The following PTPRT variants were observed in gnomAD, a reference collection of about 807,000 sequenced individuals.
PTPRT encodes the protein protein tyrosine phosphatase receptor type T.
In PTPRT, 56 loss-of-function variants were observed where a neutral mutation model predicts 176.8. That is an observed-to-expected ratio of 0.32 (90% CI 0.26 to 0.40). PTPRT has a LOEUF of 0.40. Among genes scored for constraint, PTPRT ranks in the 10% least tolerant of loss-of-function variants. The pLI is 1.00. For missense variants in PTPRT, 1,540 were observed against 1,908.2 expected (o/e 0.81, Z 3.60); for synonymous variants, 783 against 739.0 (o/e 1.06, Z -0.96).
At chr20:42,675,262 T>C (rs1267580597) in intron 7 of PTPRT, among the ~76,000 whole-genome samples, 1 of 152,220 alleles carries the variant, frequency 6.6e-6, no homozygotes, top group Non-Finnish European at 1.5e-5. Context: ...GAGCATCCCT[T>C]ATCCAAAATG....
chr20:42,923,195 A>G (rs1979270070), intron 1 of PTPRT, among the ~76,000 whole-genome samples: 1 of 152,158 alleles, frequency 6.6e-6, no homozygotes, highest in African/African-American at 2.4e-5. Context: ...CAGAACTTTA[A>G]AGGTCACTTC....
chr20:43,114,274 G>A (rs2012971097), intron 1 of PTPRT, among the ~76,000 whole-genome samples: 1 of 152,152 alleles, frequency 6.6e-6, no homozygotes, highest in Admixed American at 6.5e-5. Context: ...AGTACATGAA[G>A]AGGCTATATG....
At chr20:42,938,511 G>A (rs1458022643) in intron 1 of PTPRT, among the ~76,000 whole-genome samples, 2 of 152,140 alleles carry the variant, frequency 1.3e-5, no homozygotes, top group East Asian at 1.9e-4. Context: ...CAACATATGA[G>A]AGAAGGAGCA....
intron 6 of PTPRT, among the ~76,000 whole-genome samples, chr20:42,691,922 A>T (rs565739868): frequency 6.6e-6 from 1 of 152,276 alleles, no homozygotes; most frequent in East Asian, 1.9e-4. Context: ...AAAGGTAAAT[A>T]TATTGTTTAT....
intron 7 of PTPRT, among the ~76,000 whole-genome samples, chr20:42,658,060 A>G (rs999157945): frequency 1.3e-5 from 2 of 152,062 alleles, no homozygotes; most frequent in Non-Finnish European, 2.9e-5. Context: ...ACTTGTACAT[A>G]TATCTAACTG....
At chr20:42,630,845 T>C (rs2074389700) in intron 7 of PTPRT, among the ~76,000 whole-genome samples, 1 of 152,122 alleles carries the variant, frequency 6.6e-6, no homozygotes, top group Non-Finnish European at 1.5e-5. Flanking sequence ...TGGATAAGTA[T>C]CAATAACCTC....
At chr20:42,323,524 A>G (rs944403100) in intron 11 of PTPRT, among the ~76,000 whole-genome samples, 1 of 151,312 alleles carries the variant, frequency 6.6e-6, no homozygotes, top group African/African-American at 2.4e-5. Flanking sequence ...AAAACCAAAC[A>G]CCGCATGTTC....
At chr20:42,282,369 G>A in intron 13 of PTPRT, 120 bp downstream of exon 13, 1 of 1,045,408 alleles carries the variant, frequency 9.6e-7, no homozygotes, top group Non-Finnish European at 1.4e-6. Flanking sequence ...TGACTCCGGT[G>A]AAAATAACAA....
chr20:42,176,314 C>T (rs1024688948), intron 16 of PTPRT, among the ~76,000 whole-genome samples: 7 of 152,042 alleles, frequency 4.6e-5, no homozygotes, highest in Non-Finnish European at 1.0e-4. Flanking sequence ...GCCTCAGTTC[C>T]ATTTGCCTTG....
chr20:42,162,187 CATCACTTAATACTATTA>C (rs1364400624), intron 16 of PTPRT, among the ~76,000 whole-genome samples: 1 of 152,166 alleles, frequency 6.6e-6, no homozygotes, highest in Non-Finnish European at 1.5e-5. Flanking sequence ...ATAGTTTCCC[CATCACTTAATACTATTA>C]ATCCAGTGGC....
At chr20:42,650,986 A>C (rs1212401504) in intron 7 of PTPRT, among the ~76,000 whole-genome samples, 2 of 152,002 alleles carry the variant, frequency 1.3e-5, no homozygotes, top group Admixed American at 6.5e-5. Flanking sequence ...AGAGGCCCCC[A>C]AAATAAACTA....
intron 1 of PTPRT, among the ~76,000 whole-genome samples, chr20:43,115,719 G>A (rs558802853): frequency 2.0e-5 from 3 of 152,304 alleles, no homozygotes; most frequent in Non-Finnish European, 4.4e-5. Context: ...ATGAAACACT[G>A]CCGTGGAGTG....
chr20:42,987,471 A>AC (rs1983662584), intron 1 of PTPRT, among the ~76,000 whole-genome samples: 1 of 151,594 alleles, frequency 6.6e-6, no homozygotes, highest in Non-Finnish European at 1.5e-5. Flanking sequence ...CAAAATCCCA[A>AC]CCCCTCATGG....
chr20:42,246,160 G>A (rs1261352455), intron 14 of PTPRT, among the ~76,000 whole-genome samples: 1 of 152,064 alleles, frequency 6.6e-6, no homozygotes, highest in East Asian at 1.9e-4. Context: ...ATATATATAT[G>A]CAGCTGGGGG....
At position 42,416,840 on chromosome 20, in the gene PTPRT, T is replaced by C. The variant is rs183499027; in HGVS notation, c.1560+31380A>G. 6.6e-4 allele frequency among the ~76,000 whole-genome samples: 101 copies of C among 152,346 alleles called. No homozygotes were observed. The South Asian group carries it at 9.5e-3, about 14-fold the overall frequency. ...ACATAACGCTAAGTGGAAGAAAGTA[T>C]GTTATCAGATTGTATCTACAATATA... On this transcript the variant is annotated intron_variant, in intron 9 of 30. Coordinates refer to ENST00000373187, the MANE Select transcript of PTPRT (RefSeq NM_007050.6).
intron 6 of PTPRT, among the ~76,000 whole-genome samples, chr20:42,697,401 C>T (rs1432416115): frequency 6.6e-6 from 1 of 152,174 alleles, no homozygotes; most frequent in East Asian, 1.9e-4. Flanking sequence ...CAACTTCTGG[C>T]CATTTTATAC....
rs1325780244 is a variant in PTPRT, at chr20:42,110,993, G to GACTT, written c.3100-510_3100-507dup. On this transcript the variant is annotated intron_variant, in intron 22 of 30. Coordinates refer to ENST00000373187, the MANE Select transcript of PTPRT (RefSeq NM_007050.6). ...TTCAAAGTTTATATAACTTAGTACT[G>GACTT]ACTTCTTTATTAAGTAGATTCTTAC... is the stretch of plus-strand genomic sequence containing the variant. 3.9e-5 allele frequency among the ~76,000 whole-genome samples: 6 copies of GACTT among 152,156 alleles called. 1 individual carries two copies. The highest frequency in any genetic ancestry group is 4.4e-5 in the Non-Finnish European group (3 of 68,040).
At chr20:42,676,753 T>C (rs2075511431) in intron 7 of PTPRT, among the ~76,000 whole-genome samples, 1 of 152,218 alleles carries the variant, frequency 6.6e-6, no homozygotes, top group African/African-American at 2.4e-5. Flanking sequence ...GAAAAAAAGA[T>C]ATAACATAAA....
intron 2 of PTPRT, among the ~76,000 whole-genome samples, chr20:42,830,693 T>C (rs1286070154): frequency 6.6e-6 from 1 of 151,242 alleles, no homozygotes; most frequent in Non-Finnish European, 1.5e-5. Context: ...TATATCTATA[T>C]AAATCAGGAT....
Sources: allele counts gnomAD v4.1 joint callset (sites outside exome capture counted in the v4.1 genomes callset), GRCh38; gene constraint gnomAD v4.1.1; transcripts MANE v1.5; gene names NCBI Gene and HGNC (gene_info 2026-07-23, HGNC 2026-07-21).